The following WDR70 variants were observed in gnomAD, a reference collection of about 807,000 sequenced individuals.
WDR70 encodes the protein WD repeat-containing protein 70.
In WDR70, 53 loss-of-function variants were observed where a neutral mutation model predicts 88.6. The ratio of observed to expected loss-of-function variants is 0.60; its 90% CI spans 0.48 to 0.75. WDR70 has a LOEUF of 0.75. Among genes scored for constraint, WDR70 ranks in the 30% least tolerant of loss-of-function variants. The pLI, the probability that WDR70 is intolerant of heterozygous loss-of-function variation, is 0.00. For missense variants in WDR70, 610 were observed against 823.2 expected, an observed-to-expected ratio of 0.74 and a Z score of 3.17; for synonymous variants, 280 against 270.0, an observed-to-expected ratio of 1.04 and a Z score of -0.36.
At chr5:37,603,145 A>G (rs539098009) in intron 9 of WDR70, among the ~76,000 whole-genome samples, 119 of 152,174 alleles carry the variant, frequency 7.8e-4, no homozygotes, top group African/African-American at 2.7e-3. Flanking sequence ...TAGAAAAAAA[A>G]AAACCCTAAA....
chr5:37,398,667 CAT>C (rs1430051331), intron 5 of WDR70, among the ~76,000 whole-genome samples: 1 of 152,120 alleles, frequency 6.6e-6, no homozygotes, highest in African/African-American at 2.4e-5. Flanking sequence ...TATATACACA[CAT>C]ATGCACATGC....
intron 13 of WDR70, among the ~76,000 whole-genome samples, chr5:37,707,530 C>T (rs1435066680): frequency 6.6e-6 from 1 of 152,068 alleles, no homozygotes; most frequent in East Asian, 1.9e-4. Context: ...ACTGCTATAA[C>T]ATCTAGCATA....
chr5:37,547,091 C>T (rs1014222897), intron 9 of WDR70, among the ~76,000 whole-genome samples: 3 of 152,082 alleles, frequency 2.0e-5, no homozygotes, highest in African/African-American at 7.2e-5. Flanking sequence ...TCAAGGACAG[C>T]CAATCCACTG....
intron 10 of WDR70, among the ~76,000 whole-genome samples, chr5:37,670,058 G>A (rs1245160539): frequency 1.3e-5 from 2 of 152,142 alleles, no homozygotes; most frequent in East Asian, 3.8e-4. Context: ...ATGTGTATGG[G>A]GTTTCCTTTT....
chr5:37,484,703 T>A (rs201455311), intron 8 of WDR70, among the ~76,000 whole-genome samples: 1 of 152,248 alleles, frequency 6.6e-6, no homozygotes, highest in Non-Finnish European at 1.5e-5. Context: ...ACTTAAGGTA[T>A]GAAAAACATT....
chr5:37,584,694 T>G (rs1408105094), intron 9 of WDR70, among the ~76,000 whole-genome samples: 1 of 152,000 alleles, frequency 6.6e-6, no homozygotes. Context: ...ATGTTAAACT[T>G]TAGCAGTTTG....
At chr5:37,513,350 G>A (rs1216241607) in intron 8 of WDR70, among the ~76,000 whole-genome samples, 2 of 152,144 alleles carry the variant, frequency 1.3e-5, no homozygotes, top group Non-Finnish European at 2.9e-5. Context: ...GTGGAAAAAA[G>A]AGCTTTCCAG....
intron 7 of WDR70, among the ~76,000 whole-genome samples, chr5:37,461,759 A>G (rs1188793157): frequency 6.6e-6 from 1 of 152,172 alleles, no homozygotes; most frequent in Admixed American, 6.5e-5. Flanking sequence ...CTGGGATTAC[A>G]GGCGTGAGCC....
At chr5:37,425,502 C>G (rs1198540490) in intron 5 of WDR70, among the ~76,000 whole-genome samples, 1 of 152,106 alleles carries the variant, frequency 6.6e-6, no homozygotes, top group Non-Finnish European at 1.5e-5. Flanking sequence ...TGTAAAGGCC[C>G]TAAGGCAGTA....
At chr5:37,403,438 A>G (rs953958280) in intron 5 of WDR70, among the ~76,000 whole-genome samples, 3 of 152,204 alleles carry the variant, frequency 2.0e-5, no homozygotes, top group African/African-American at 7.2e-5. Flanking sequence ...AGCAAGATTA[A>G]ACTACCTGTA....
intron 10 of WDR70, among the ~76,000 whole-genome samples, chr5:37,666,953 C>T (rs1028267814): frequency 3.9e-5 from 6 of 152,080 alleles, no homozygotes; most frequent in Non-Finnish European, 7.4e-5. Context: ...ATTCCATGCA[C>T]TTAGGACAAT....
chr5:37,410,130 C>T (rs892127517), intron 5 of WDR70, among the ~76,000 whole-genome samples: 3 of 151,308 alleles, frequency 2.0e-5, no homozygotes, highest in Non-Finnish European at 2.9e-5. Context: ...GTGCTTCTGC[C>T]TAAGCCTCCT....
chr5:37,401,182 T>TTTC (rs1309493532), intron 5 of WDR70, among the ~76,000 whole-genome samples: 4 of 145,482 alleles, frequency 2.7e-5, no homozygotes, highest in Admixed American at 6.9e-5. Flanking sequence ...TTTTTTTTTT[T>TTTC]TTTTTTTTAG....
Position 37,396,399 on chromosome 5 carries a change from A to G in WDR70, c.321A>G (p.Glu107=), listed in dbSNP as rs1163536070. The part of the protein sequence containing the change: ...SSRDTSSSES[E]QSSDSSDDEL... Reference sequence around the variant, plus strand: ...GGGATACGAGCAGCAGTGAAAGTGAACAGAGTTCTGACTCTTCTGATGATG... The same window carrying G: ...GGGATACGAGCAGCAGTGAAAGTGAGCAGAGTTCTGACTCTTCTGATGATG... Residue 107 remains glutamate, a synonymous_variant, in exon 5 of 18, where the codon GAA becomes GAG. Coordinates refer to ENST00000265107, the MANE Select transcript of WDR70 (RefSeq NM_018034.4). The G allele has an allele frequency of 3.1e-6, 5 of 1,612,198 alleles. No individual in the cohort carries two copies. Among genetic ancestry groups the G allele is most frequent in the East Asian group, 2.2e-5 (1 of 44,846 alleles).
intron 10 of WDR70, among the ~76,000 whole-genome samples, chr5:37,653,577 T>C (rs910165335): frequency 2.6e-5 from 4 of 152,186 alleles, no homozygotes; most frequent in Admixed American, 6.5e-5. Flanking sequence ...CCTGGGCTTT[T>C]TTTGGTTAGT....
At chr5:37,598,231 G>A (rs1743758101) in intron 9 of WDR70, among the ~76,000 whole-genome samples, 1 of 145,778 alleles carries the variant, frequency 6.9e-6, no homozygotes, top group Admixed American at 6.6e-5. Context: ...TATAAATTAT[G>A]ATAGTTTTTT....
chr5:37,745,934 G>A (rs955543742), intron 17 of WDR70, among the ~76,000 whole-genome samples: 3 of 152,006 alleles, frequency 2.0e-5, no homozygotes, highest in Non-Finnish European at 4.4e-5. Context: ...CCTAGTAGAC[G>A]TCTACAGAAC....
chr5:37,657,510 T>A (rs1159989362), intron 10 of WDR70, among the ~76,000 whole-genome samples: 1 of 152,204 alleles, frequency 6.6e-6, no homozygotes, highest in African/African-American at 2.4e-5. Context: ...CTACTTACTA[T>A]GAATTTCAAA....
intron 5 of WDR70, among the ~76,000 whole-genome samples, chr5:37,397,571 C>T (rs2111907541): frequency 1.3e-5 from 2 of 152,068 alleles, no homozygotes; most frequent in South Asian, 4.2e-4. Flanking sequence ...AAATTATTGT[C>T]AACAATGAAG....
Sources: gnomAD v4.1 joint callset for allele counts (sites outside exome capture counted in the v4.1 genomes callset) on GRCh38, gnomAD v4.1.1 for gene constraint, MANE v1.5 for transcripts, NCBI Gene and HGNC (gene_info 2026-07-23, HGNC 2026-07-21) for gene names.